Variants in EDIL3 observed in about 807,000 individuals in gnomAD.
EDIL3 encodes the protein EGF-like repeat and discoidin I-like domain-containing protein 3.
EDIL3 carries 37 observed loss-of-function variants against 67.4 expected under a neutral mutation model. That is an observed-to-expected ratio of 0.55 (90% CI 0.42 to 0.72). The LOEUF (loss-of-function observed/expected upper bound fraction) is 0.72, where lower values mean the gene tolerates loss of function less well. EDIL3 is among the 30% of genes least tolerant of loss of function. The probability of loss-of-function intolerance (pLI) is 0.00; values close to 1 mark genes in which losing one functional copy is unlikely to be tolerated. For synonymous variants in EDIL3, 195 were observed against 196.3 expected (o/e 0.99, Z 0.05); for missense variants, 527 against 586.3 (o/e 0.90, Z 1.04).
chr5:84,220,733 A>G (rs564354821), intron 3 of EDIL3, among the ~76,000 whole-genome samples: 1 of 152,312 alleles, frequency 6.6e-6, no homozygotes, highest in Admixed American at 6.5e-5. Flanking sequence ...CTCATACTCC[A>G]TGGGACAGTC....
At chr5:84,322,847 C>T (rs1746676765) in intron 1 of EDIL3, among the ~76,000 whole-genome samples, 1 of 151,966 alleles carries the variant, frequency 6.6e-6, no homozygotes, top group East Asian at 1.9e-4. Flanking sequence ...ACAAGGGATT[C>T]TCAATAAGAT....
intron 3 of EDIL3, among the ~76,000 whole-genome samples, chr5:84,221,356 A>G (rs533224247): frequency 3.3e-5 from 5 of 152,296 alleles, no homozygotes; most frequent in African/African-American, 1.2e-4. Context: ...CTCCTGTGAT[A>G]GTTTAATTCT....
intron 1 of EDIL3, among the ~76,000 whole-genome samples, chr5:84,281,469 C>G (rs944663574): frequency 6.6e-6 from 1 of 152,192 alleles, no homozygotes; most frequent in Non-Finnish European, 1.5e-5. Context: ...ACTCATGTTT[C>G]CATCTTATCC....
chr5:84,184,543 A>G lies in EDIL3; in HGVS notation c.227-4022T>C, dbSNP rs571458825. On this transcript the variant is annotated intron_variant, in intron 3 of 10. Coordinates refer to ENST00000296591, the MANE Select transcript of EDIL3 (RefSeq NM_005711.5). ...CTGGAGCATCTAGCTCTATAATAAC[A>G]GCTGCTAAACACACAAGCCTGTGAG... 4.6e-5 allele frequency among the ~76,000 whole-genome samples: 7 copies of G among 152,350 alleles called. No homozygotes were observed. In the South Asian group the frequency reaches 1.4e-3, roughly 32 times the overall value.
At chr5:84,280,976 T>C (rs372974410) in intron 1 of EDIL3, among the ~76,000 whole-genome samples, 2 of 115,742 alleles carry the variant, frequency 1.7e-5, no homozygotes, top group African/African-American at 3.2e-5. Flanking sequence ...AAAAAGGAAA[T>C]AAAAACCTTG....
chr5:84,382,754 C>T (rs1367776947), intron 1 of EDIL3, among the ~76,000 whole-genome samples: 1 of 152,166 alleles, frequency 6.6e-6, no homozygotes, highest in African/African-American at 2.4e-5. Context: ...GGAACCATTA[C>T]CATTTCTTAA....
At chr5:84,312,259 G>A (rs1251286179) in intron 1 of EDIL3, among the ~76,000 whole-genome samples, 194 of 134,646 alleles carry the variant, frequency 1.4e-3, no homozygotes, top group African/African-American at 5.3e-3. Flanking sequence ...CCTCCCTCCC[G>A]GACGGGGCAG....
chr5:84,115,912 A>T (rs576619297), intron 5 of EDIL3, among the ~76,000 whole-genome samples: 117 of 152,378 alleles, frequency 7.7e-4, no homozygotes, highest in African/African-American at 2.6e-3. Context: ...CAGTGCTTGT[A>T]GAAGACAGAT....
At chr5:84,167,342 T>A (rs1034482678) in intron 4 of EDIL3, among the ~76,000 whole-genome samples, 7 of 152,010 alleles carry the variant, frequency 4.6e-5, no homozygotes, top group African/African-American at 1.7e-4. Flanking sequence ...TTCATGAGTT[T>A]GCCCCTTCCT....
At chr5:83,952,820 G>T (rs1180422247) in intron 10 of EDIL3, among the ~76,000 whole-genome samples, 1 of 151,834 alleles carries the variant, frequency 6.6e-6, no homozygotes. Context: ...TCCCGCATTA[G>T]GAGACTTTTC....
chr5:84,329,015 C>T (rs1341872207), intron 1 of EDIL3, among the ~76,000 whole-genome samples: 1 of 152,084 alleles, frequency 6.6e-6, no homozygotes, highest in Admixed American at 6.6e-5. Context: ...ACCACTTAAA[C>T]TTCATTATCT....
At chr5:84,288,806 A>T (rs1745859631) in intron 1 of EDIL3, among the ~76,000 whole-genome samples, 1 of 151,990 alleles carries the variant, frequency 6.6e-6, no homozygotes. Flanking sequence ...CATACTACAC[A>T]TTTTACATAA....
chr5:84,070,519 G>A (rs763895631), intron 6 of EDIL3, among the ~76,000 whole-genome samples: 10 of 151,852 alleles, frequency 6.6e-5, no homozygotes, highest in South Asian at 2.1e-4. Flanking sequence ...AACTTTTCCC[G>A]TTTCAATAAC....
rs545473122 is a variant in EDIL3, at chr5:84,300,218, C to T, written c.68-46006G>A. ...TGCCTGCATTTCTTAGCTTTTGGCCCTCTTACATCAGCAACCTTGCATCTC... is the reference window on the plus strand; with the variant it reads ...TGCCTGCATTTCTTAGCTTTTGGCCTTCTTACATCAGCAACCTTGCATCTC... On this transcript the variant is annotated intron_variant, in intron 1 of 10. Transcript: ENST00000296591. Among the ~76,000 whole-genome samples, 20 of 152,264 alleles carry T rather than the reference C, an allele frequency of 1.3e-4. No homozygotes were observed. In the East Asian group the frequency reaches 3.7e-3, roughly 28 times the overall value.
At chr5:84,118,469 T>C (rs535167329) in intron 5 of EDIL3, among the ~76,000 whole-genome samples, 58 of 152,310 alleles carry the variant, frequency 3.8e-4, no homozygotes, top group African/African-American at 1.3e-3. Flanking sequence ...ACAAGTATAG[T>C]GTAGTGGTAA....
At chr5:83,978,405 A>G (rs1441994576) in intron 9 of EDIL3, among the ~76,000 whole-genome samples, 3 of 151,990 alleles carry the variant, frequency 2.0e-5, no homozygotes, top group Non-Finnish European at 2.9e-5. Flanking sequence ...AGAAGCCTCA[A>G]TGTAAAAAAG....
chr5:84,141,373 A>G (rs1310592812), intron 4 of EDIL3, among the ~76,000 whole-genome samples: 1 of 149,992 alleles, frequency 6.7e-6, no homozygotes, highest in Non-Finnish European at 1.5e-5. Context: ...AGGCACAGTG[A>G]TGAGAGCTGC....
chr5:84,179,800 T>C (rs1291312205), intron 4 of EDIL3, among the ~76,000 whole-genome samples: 1 of 152,120 alleles, frequency 6.6e-6, no homozygotes, highest in Non-Finnish European at 1.5e-5. Flanking sequence ...ACCATTCCTT[T>C]GACATTTATG....
intron 9 of EDIL3, among the ~76,000 whole-genome samples, chr5:84,035,571 T>TATGCA (rs1389932478): frequency 7.2e-5 from 11 of 152,212 alleles, no homozygotes; most frequent in Admixed American, 2.6e-4. Flanking sequence ...GCAATCACTT[T>TATGCA]ATTTAAAATG....
Sources: allele counts gnomAD v4.1 joint callset (sites outside exome capture counted in the v4.1 genomes callset), GRCh38; gene constraint gnomAD v4.1.1; transcripts MANE v1.5; gene names NCBI Gene and HGNC (gene_info 2026-07-23, HGNC 2026-07-21).